The following GRIK2 variants were observed in gnomAD, a reference collection of about 807,000 sequenced individuals.
GRIK2 encodes glutamate receptor ionotropic, kainate 2.
A neutral mutation model predicts 100.3 loss-of-function variants in GRIK2; 32 were observed. The ratio of observed to expected loss-of-function variants is 0.32; its 90% CI spans 0.24 to 0.43. The LOEUF (loss-of-function observed/expected upper bound fraction) is 0.43. GRIK2 is among the 20% of genes least tolerant of loss of function. The pLI is 1.00. For missense variants in GRIK2, 843 were observed against 1,114.9 expected, an observed-to-expected ratio of 0.76 and a Z score of 3.47; for synonymous variants, 417 against 389.4, an observed-to-expected ratio of 1.07 and a Z score of -0.83.
At chr6:101,651,970 G>T (rs924968690) in intron 4 of GRIK2, among the ~76,000 whole-genome samples, 1 of 152,148 alleles carries the variant, frequency 6.6e-6, no homozygotes, top group Non-Finnish European at 1.5e-5. Context: ...TACCCTGAAA[G>T]TCAAGTGAAG....
At chr6:101,948,213 G>T (rs1478868578) in intron 14 of GRIK2, among the ~76,000 whole-genome samples, 1 of 151,898 alleles carries the variant, frequency 6.6e-6, no homozygotes, top group Non-Finnish European at 1.5e-5. Context: ...AGTGGTGATA[G>T]AATGGTTGGG....
intron 2 of GRIK2, among the ~76,000 whole-genome samples, chr6:101,434,489 A>ATT (rs200219115): frequency 7.4e-5 from 11 of 147,832 alleles, no homozygotes; most frequent in East Asian, 2.0e-4. Context: ...TAATTTGAAT[A>ATT]TTTTTTTTTT....
chr6:101,442,811 A>T (rs1021373668), intron 2 of GRIK2, among the ~76,000 whole-genome samples: 1 of 152,170 alleles, frequency 6.6e-6, no homozygotes, highest in Non-Finnish European at 1.5e-5. Flanking sequence ...AGTAGGGAGT[A>T]GGCAGATTTG....
At chr6:101,741,469 A>G (rs1326677633) in intron 7 of GRIK2, among the ~76,000 whole-genome samples, 2 of 152,244 alleles carry the variant, frequency 1.3e-5, no homozygotes, top group Non-Finnish European at 2.9e-5. Context: ...GTATATGTAC[A>G]TTGCAAACCC....
At chr6:101,689,077 C>T (rs566153620) in intron 7 of GRIK2, among the ~76,000 whole-genome samples, 16 of 151,828 alleles carry the variant, frequency 1.1e-4, no homozygotes, top group South Asian at 2.1e-4. Flanking sequence ...AAATTGTAAG[C>T]ATTTTCACAA....
chr6:101,661,866 T>C (rs958430998), intron 4 of GRIK2, among the ~76,000 whole-genome samples: 1 of 152,184 alleles, frequency 6.6e-6, no homozygotes. Context: ...CAGTGCCTTC[T>C]GCATTGATCT....
At position 101,612,401 on chromosome 6, in the gene GRIK2, T is replaced by G. The variant is rs631366; in HGVS notation, c.116-9548T>G. ...AACGTGAGTCAAATAAACTTTTTGA[T>G]GACTTTTTATTAATGTTTGTAAAAT... On this transcript the variant is annotated intron_variant, in intron 2 of 16. Coordinates refer to ENST00000369134, the MANE Select transcript of GRIK2 (RefSeq NM_021956.5). Among the ~76,000 whole-genome samples the G allele has an allele frequency of 6.6e-3, 1,002 of 152,002 alleles. 15 individuals carry two copies. Among genetic ancestry groups the G allele is most frequent in the African/African-American group, 0.023 (975 of 41,526 alleles).
intron 10 of GRIK2, among the ~76,000 whole-genome samples, chr6:101,846,504 T>C (rs1463021593): frequency 6.6e-6 from 1 of 152,056 alleles, no homozygotes; most frequent in African/African-American, 2.4e-5. Flanking sequence ...TTTTCTGGTT[T>C]AGTATCAGGG....
chr6:101,585,090 C>T (rs750387991), intron 2 of GRIK2, among the ~76,000 whole-genome samples: 1 of 151,824 alleles, frequency 6.6e-6, no homozygotes, highest in Non-Finnish European at 1.5e-5. Context: ...AATAATTGAG[C>T]AAGTTTATAA....
chr6:102,026,833 A>G (rs1769729696), intron 14 of GRIK2, among the ~76,000 whole-genome samples: 3 of 151,228 alleles, frequency 2.0e-5, no homozygotes, highest in South Asian at 2.1e-4. Context: ...TGACAGGTTT[A>G]CTAACAACTG....
intron 2 of GRIK2, among the ~76,000 whole-genome samples, chr6:101,452,362 G>A (rs1770756988): frequency 6.6e-6 from 1 of 151,716 alleles, no homozygotes; most frequent in Non-Finnish European, 1.5e-5. Context: ...AATCATGGGG[G>A]AACTTTAAAA....
chr6:101,731,050 T>C (rs1162397413), intron 7 of GRIK2, among the ~76,000 whole-genome samples: 1 of 152,030 alleles, frequency 6.6e-6, no homozygotes, highest in Non-Finnish European at 1.5e-5. Flanking sequence ...TTCAACTTTC[T>C]TTCTAAGCAA....
intron 2 of GRIK2, among the ~76,000 whole-genome samples, chr6:101,438,683 AAT>A (rs1037997637): frequency 6.6e-6 from 1 of 152,074 alleles, no homozygotes; most frequent in East Asian, 1.9e-4. Flanking sequence ...CTTTCCAGTA[AAT>A]ATATATAAGG....
At chr6:101,697,061 G>A (rs545303962) in intron 7 of GRIK2, among the ~76,000 whole-genome samples, 39 of 152,060 alleles carry the variant, frequency 2.6e-4, no homozygotes, top group Middle Eastern at 6.8e-3. Flanking sequence ...CTTTAGGCAA[G>A]TTACCTAATC....
At chr6:101,895,158 G>A (rs539672786) in intron 12 of GRIK2, among the ~76,000 whole-genome samples, 10 of 151,874 alleles carry the variant, frequency 6.6e-5, no homozygotes, top group Admixed American at 3.3e-4. Context: ...ACAGTATTAA[G>A]TAACCTGGAC....
chr6:101,442,936 A>G (rs984383769), intron 2 of GRIK2, among the ~76,000 whole-genome samples: 12 of 152,176 alleles, frequency 7.9e-5, no homozygotes, highest in Non-Finnish European at 1.8e-4. Context: ...AATAAATAAC[A>G]TAAGATTCTT....
chr6:101,760,830 T>G lies in GRIK2; in HGVS notation c.952-38818T>G, dbSNP rs189178263. On this transcript the variant is annotated intron_variant, in intron 7 of 16. Transcript: ENST00000369134. ...TATTTTATGTTGAGATTTTTGCTTA[T>G]CAAGTACAATCTATGAAAAGTTAAC... Among the ~76,000 whole-genome samples, 1,088 of 148,366 alleles carry G rather than the reference T, an allele frequency of 7.3e-3. 4 individuals carry two copies. The highest frequency in any genetic ancestry group is 0.017 in the Middle Eastern group (5 of 286).
intron 14 of GRIK2, among the ~76,000 whole-genome samples, chr6:102,034,157 G>A (rs1010572295): frequency 1.3e-5 from 2 of 151,266 alleles, no homozygotes; most frequent in African/African-American, 2.4e-5. Context: ...CCCGGTCTTA[G>A]CCCTGATTCT....
intron 2 of GRIK2, among the ~76,000 whole-genome samples, chr6:101,563,151 GT>G (rs1777103178): frequency 2.6e-5 from 4 of 152,260 alleles, no homozygotes; most frequent in South Asian, 4.1e-4. Flanking sequence ...TGCGACACAT[GT>G]TTTTAAGCAC....
Sources: gnomAD v4.1 joint callset for allele counts (sites outside exome capture counted in the v4.1 genomes callset) on GRCh38, gnomAD v4.1.1 for gene constraint, MANE v1.5 for transcripts, NCBI Gene and HGNC (gene_info 2026-07-23, HGNC 2026-07-21) for gene names.